The following SPINK2 variants were observed in gnomAD, a reference collection of about 807,000 sequenced individuals.
SPINK2 encodes the protein serine protease inhibitor Kazal-type 2.
SPINK2 carries 8 observed loss-of-function variants against 13.5 expected under a neutral mutation model. The observed-to-expected ratio is 0.59, with a 90% CI of 0.35 to 1.07. The LOEUF is 1.07. Ranked by LOEUF, SPINK2 falls within the 50% of genes least tolerant of loss-of-function variation. The pLI is 0.02. For synonymous variants in SPINK2, 76 were observed against 74.7 expected (o/e 1.02, Z -0.09); for missense variants, 148 against 180.3 (o/e 0.82, Z 1.03).
At position 56,816,961 on chromosome 4, in the gene SPINK2, G is replaced by A. The variant is rs540638603; in HGVS notation, c.249+3575C>T. On this transcript the variant is annotated intron_variant, in intron 2 of 3. Transcript: ENST00000506738. Reference sequence around the variant, plus strand: ...GGCTCACGCCTATAACCCAGCACTTGGGGAGGCTGAGCCGGGCAGATCACG... The same window carrying A: ...GGCTCACGCCTATAACCCAGCACTTAGGGAGGCTGAGCCGGGCAGATCACG... Among the ~76,000 whole-genome samples, 5 of 152,020 alleles carry A rather than the reference G, an allele frequency of 3.3e-5. 1 individual carries two copies. The highest frequency in any genetic ancestry group is 1.2e-4 in the African/African-American group (5 of 41,488).
In SPINK2 at chr4:56,810,061, G is replaced by A; in HGVS notation, c.*78C>T. The stretch of plus-strand genomic sequence containing the variant: ...TCTCATGTAAAGAAACACAGGAAAA[G>A]AGAAAAAGGGGAAATGCAATTTATC... On this transcript the variant is annotated 3_prime_UTR_variant, in exon 4 of 4. Coordinates refer to ENST00000506738, the MANE Select transcript of SPINK2 (RefSeq NM_001271718.2). 5.2e-6 allele frequency: 8 copies of A among 1,541,656 alleles called. No individual in the cohort carries two copies. Among genetic ancestry groups the A allele is most frequent in the Non-Finnish European group, 7.0e-6 (8 of 1,145,472 alleles).
chr4:56,811,937 CTTTTTTTT>C (rs375969300), intron 2 of SPINK2, 143 bp from the exon 3 acceptor site: 7 of 174,098 alleles, frequency 4.0e-5, no homozygotes, highest in Non-Finnish European at 7.9e-5. Flanking sequence ...AAAATTTTTT[CTTTTTTTT>C]TTTTTTTTTT....
intron 2 of SPINK2, chr4:56,816,741 T>C (rs991700550): frequency 6.7e-6 from 1 of 149,242 alleles, no homozygotes. Context: ...TAGCTGGGCA[T>C]GGTGGCGGGA....
intron 2 of SPINK2, among the ~76,000 whole-genome samples, chr4:56,817,549 C>A (rs1456797819): frequency 2.0e-5 from 3 of 152,108 alleles, no homozygotes; most frequent in Non-Finnish European, 4.4e-5. Context: ...TTGAAACTTA[C>A]TATAAAACTA....
chr4:56,814,362 A>C (rs1473038838), intron 2 of SPINK2, among the ~76,000 whole-genome samples: 3 of 151,940 alleles, frequency 2.0e-5, no homozygotes, highest in Admixed American at 2.0e-4. Context: ...CGCTGCTCTA[A>C]AGCTTTTTTC....
chr4:56,812,775 A>G (rs573940542), intron 2 of SPINK2, among the ~76,000 whole-genome samples: 1 of 152,236 alleles, frequency 6.6e-6, no homozygotes, highest in African/African-American at 2.4e-5. Context: ...CTAATCTTTC[A>G]ATCTGAACTT....
At position 56,821,594 on chromosome 4, in the gene SPINK2, G is replaced by A. The variant is rs1209913193; in HGVS notation, c.69C>T (p.Ser23=). The A allele has an allele frequency of 3.2e-6, 5 of 1,548,350 alleles. No homozygotes were observed. The highest frequency in any genetic ancestry group is 1.4e-5 in the African/African-American group (1 of 72,912). ...LAVTFAGSAR[S]GPGERGPPEK... ...CCGGAGGTCCCCGCTCGCCAGGACC[G>A]CTCCGAGCGCTACCTGCGAAGGTAA... The change falls in exon 1 of 4, where the codon AGC becomes AGT. Residue 23 remains serine, a synonymous_variant. Coordinates refer to ENST00000506738, the MANE Select transcript of SPINK2 (RefSeq NM_001271718.2).
chr4:56,813,444 A>C (rs1459888109), intron 2 of SPINK2, among the ~76,000 whole-genome samples: 2 of 152,128 alleles, frequency 1.3e-5, no homozygotes, highest in Non-Finnish European at 2.9e-5. Context: ...GTACTAGTCC[A>C]TGGCCTGTTA....
intron 2 of SPINK2, 77 bp downstream of exon 2, chr4:56,820,459 T>C: frequency 4.1e-6 from 5 of 1,233,026 alleles, no homozygotes; most frequent in Non-Finnish European, 1.2e-6. Context: ...AGGTCAGACC[T>C]GAAAGCCAGC....
At chr4:56,816,394 G>A (rs987457503) in intron 2 of SPINK2, among the ~76,000 whole-genome samples, 1 of 152,014 alleles carries the variant, frequency 6.6e-6, no homozygotes, top group Admixed American at 6.6e-5. Flanking sequence ...GCTCACACCT[G>A]TAATCCCACC....
chr4:56,820,421 C>T (rs963649067), intron 2 of SPINK2, 115 bp downstream of exon 2: 6 of 745,826 alleles, frequency 8.0e-6, no homozygotes, highest in East Asian at 5.1e-5. Context: ...TGGTTTTAAA[C>T]GCAGTCCTCA....
intron 1 of SPINK2, 59 bp from the exon 2 acceptor site, chr4:56,820,638 G>A (rs1717857470): frequency 1.4e-6 from 2 of 1,399,430 alleles, no homozygotes; most frequent in Admixed American, 1.9e-5. Flanking sequence ...TATTGTTCAT[G>A]AAGTTTTTTT....
chr4:56,818,669 CA>C (rs1276160961), intron 2 of SPINK2, among the ~76,000 whole-genome samples: 2 of 151,658 alleles, frequency 1.3e-5, no homozygotes, highest in Non-Finnish European at 2.9e-5. Flanking sequence ...CTCCAAAAAA[CA>C]AAAAAAGACA....
Position 56,811,745 on chromosome 4 carries a change from G to T in SPINK2, c.299C>A (p.Pro100His). 1 of 1,611,544 alleles carries T rather than the reference G, an allele frequency of 6.2e-7. No individual in the cohort carries two copies. Among genetic ancestry groups the T allele is most frequent in the Non-Finnish European group, 8.5e-7 (1 of 1,178,412 alleles). Residue 100 changes from proline to histidine, a missense_variant, in exon 3 of 4, where the codon CCT becomes CAT. Transcript: ENST00000506738. ...RLPGCPRHFN[P>H]VCGSDMSTYA... ...AGTGGACATGTCACTGCCACACACA[G>T]GGTTAAAGTGTCTGGGACATCCTGG...
At chr4:56,813,293 C>T (rs1016119212) in intron 2 of SPINK2, among the ~76,000 whole-genome samples, 2 of 151,982 alleles carry the variant, frequency 1.3e-5, no homozygotes, top group African/African-American at 2.4e-5. Context: ...ACTGCACTCC[C>T]GCCTAGACAA....
Position 56,811,670 on chromosome 4 carries a change from G to A in SPINK2, c.359+15C>T, listed in dbSNP as rs370761144. ...AAGAAAACTTGGCTAGTCTACAGCT[G>A]TAAAATCATGTTACCTGATTTTCAT... On this transcript the variant is annotated intron_variant, in intron 3 of 3. Coordinates refer to ENST00000506738, the MANE Select transcript of SPINK2 (RefSeq NM_001271718.2). The A allele has an allele frequency of 1.6e-5, 24 of 1,524,294 alleles. No homozygotes were observed. The highest frequency in any genetic ancestry group is 1.1e-4 in the African/African-American group (8 of 72,240). 94.4% of individuals were successfully genotyped at this position (1,524,294 alleles called of 1,614,324 possible).
chr4:56,811,276 T>C (rs967235248), intron 3 of SPINK2, among the ~76,000 whole-genome samples: 4 of 152,130 alleles, frequency 2.6e-5, no homozygotes, highest in African/African-American at 9.7e-5. Context: ...CTTTGATTCT[T>C]ACATCCAAGA....
intron 1 of SPINK2, among the ~76,000 whole-genome samples, chr4:56,820,886 T>A (rs1717884120): frequency 6.6e-6 from 1 of 152,210 alleles, no homozygotes; most frequent in Non-Finnish European, 1.5e-5. Context: ...AGAAAGGATA[T>A]TCAGTTTTTT....
At position 56,810,187 on chromosome 4, in the gene SPINK2, G is replaced by A. The variant is rs375854132; in HGVS notation, c.360-3C>T. On this transcript the variant is annotated splice_region_variant and splice_polypyrimidine_tract_variant and intron_variant, in intron 3 of 3. Coordinates refer to ENST00000506738, the MANE Select transcript of SPINK2 (RefSeq NM_001271718.2). The stretch of plus-strand genomic sequence containing the variant: ...TTTTAATATTATGACCACCTTCCCT[G>A]CAAATTGAACAATCATAGAAATACA... 7.8e-5 allele frequency: 126 copies of A among 1,605,554 alleles called. No homozygotes were observed. The highest frequency in any genetic ancestry group is 3.3e-4 in the Middle Eastern group (2 of 6,072).
Sources: allele counts gnomAD v4.1 joint callset (sites outside exome capture counted in the v4.1 genomes callset), GRCh38; gene constraint gnomAD v4.1.1; transcripts MANE v1.5; gene names NCBI Gene and HGNC (gene_info 2026-07-23, HGNC 2026-07-21).